The following NXN variants were observed in gnomAD, a reference collection of about 807,000 sequenced individuals.
NXN encodes the protein nucleoredoxin.
A neutral mutation model predicts 48.6 loss-of-function variants in NXN; 16 were observed. The ratio of observed to expected loss-of-function variants is 0.33; its 90% CI spans 0.22 to 0.50. The LOEUF (loss-of-function observed/expected upper bound fraction) is 0.50, where lower values mean the gene tolerates loss of function less well. Ranked by LOEUF, NXN falls within the 20% of genes least tolerant of loss-of-function variation. NXN has a pLI of 0.98. For synonymous variants in NXN, 281 were observed against 269.6 expected, an observed-to-expected ratio of 1.04 and a Z score of -0.41; for missense variants, 492 against 605.5, an observed-to-expected ratio of 0.81 and a Z score of 1.97.
intron 1 of NXN, among the ~76,000 whole-genome samples, chr17:966,341 G>A (rs183735431): frequency 5.9e-4 from 89 of 151,872 alleles, no homozygotes; most frequent in Admixed American, 4.5e-3. Context: ...TATCACTAGT[G>A]TTGTCAGCAT....
chr17:897,023 C>A, intron 1 of NXN: 1 of 1,096,662 alleles, frequency 9.1e-7, no homozygotes, highest in Non-Finnish European at 1.1e-6. Context: ...ATGGAAACTC[C>A]GGCGTGCCTA....
intron 1 of NXN, among the ~76,000 whole-genome samples, chr17:853,723 A>ATATTTTTTT (rs1491528474): frequency 4.7e-5 from 5 of 106,002 alleles, no homozygotes; most frequent in African/African-American, 1.7e-4. Context: ...ATATATATAT[A>ATATTTTTTT]TTTTTTTTTT....
rs1023843720 is a variant in NXN at position 934,765 on chromosome 17, T to C, written c.360+44554A>G. The stretch of plus-strand genomic sequence containing the variant: ...GGCACGCACCTGTAATCCCAGCTAC[T>C]TGGGAGGCTGAGGCAGGAGAATCGC... On this transcript the variant is annotated intron_variant, in intron 1 of 7. Coordinates refer to ENST00000336868, the MANE Select transcript of NXN (RefSeq NM_022463.5). Among the ~76,000 whole-genome samples the C allele has an allele frequency of 4.0e-5, 6 of 151,630 alleles. No individual in the cohort carries two copies. In the South Asian group the frequency reaches 1.3e-3, roughly 32 times the overall value.
At chr17:810,758 G>T (rs191362490) in intron 5 of NXN, among the ~76,000 whole-genome samples, 32 of 152,078 alleles carry the variant, frequency 2.1e-4, no homozygotes, top group African/African-American at 6.3e-4. Flanking sequence ...GCGTGGTAGC[G>T]CACCCCTGTA....
intron 1 of NXN, among the ~76,000 whole-genome samples, chr17:860,072 G>C (rs1038884052): frequency 1.3e-5 from 2 of 152,064 alleles, no homozygotes; most frequent in African/African-American, 4.8e-5. Flanking sequence ...GTGAAAGTGA[G>C]CCTTCTCTTT....
chr17:908,504 C>T (rs2068602092), intron 1 of NXN, among the ~76,000 whole-genome samples: 1 of 152,124 alleles, frequency 6.6e-6, no homozygotes, highest in Non-Finnish European at 1.5e-5. Flanking sequence ...CCGTTGCACT[C>T]CAGCCTGGGC....
intron 1 of NXN, among the ~76,000 whole-genome samples, chr17:867,843 T>C (rs2068109050): frequency 6.6e-6 from 1 of 151,812 alleles, no homozygotes; most frequent in African/African-American, 2.4e-5. Flanking sequence ...TGAGAATCGC[T>C]TGAACCCAGG....
Position 953,919 on chromosome 17 carries a change from G to A in NXN, c.360+25400C>T, listed in dbSNP as rs995384048. ...CCACTGCACCCCAGCCTGCGTGACG[G>A]GTGCGGGAGGATGATGGTGCATGCA... On this transcript the variant is annotated intron_variant, in intron 1 of 7. Coordinates refer to ENST00000336868, the MANE Select transcript of NXN (RefSeq NM_022463.5). Among the ~76,000 whole-genome samples the A allele has an allele frequency of 2.6e-5, 4 of 152,316 alleles. No homozygotes were observed. The Middle Eastern group carries it at 0.01, about 389-fold the overall frequency.
At chr17:854,757 G>A (rs1447820782) in intron 1 of NXN, among the ~76,000 whole-genome samples, 2 of 151,726 alleles carry the variant, frequency 1.3e-5, no homozygotes, top group African/African-American at 4.8e-5. Flanking sequence ...TAAGGAATTT[G>A]AGACCAGCCT....
chr17:807,339 C>T (rs1911617001), intron 5 of NXN, among the ~76,000 whole-genome samples: 1 of 152,226 alleles, frequency 6.6e-6, no homozygotes, highest in Non-Finnish European at 1.5e-5. Flanking sequence ...CTGTGACAGG[C>T]CCCGCGGCCA....
chr17:969,028 T>C (rs193063780), intron 1 of NXN, among the ~76,000 whole-genome samples: 3 of 152,074 alleles, frequency 2.0e-5, no homozygotes, highest in Non-Finnish European at 1.5e-5. Context: ...AGTCTCTAGA[T>C]ACAAATAAAT....
chr17:968,121 G>C (rs2069328649), intron 1 of NXN, among the ~76,000 whole-genome samples: 1 of 150,008 alleles, frequency 6.7e-6, no homozygotes, highest in Admixed American at 6.7e-5. Flanking sequence ...AAGGAAATGA[G>C]ATGACGGCTG....
chr17:958,440 C>T lies in NXN; in HGVS notation c.360+20879G>A, dbSNP rs1048803036. ...AACAGGAGGATCGCTTGAGGCCAGG[C>T]GTTCAAAACCAGCCCGGGCAACATA... is the stretch of plus-strand genomic sequence containing the variant. On this transcript the variant is annotated intron_variant, in intron 1 of 7. Transcript: ENST00000336868. The surrounding 1 kb of genome is among the most constrained non-coding windows in gnomAD (Gnocchi z 6.9). Among the ~76,000 whole-genome samples the T allele has an allele frequency of 2.2e-4, 33 of 151,676 alleles. No homozygotes were observed. The highest frequency in any genetic ancestry group is 6.3e-4 in the African/African-American group (26 of 41,302).
intron 1 of NXN, among the ~76,000 whole-genome samples, chr17:941,373 C>G (rs2068973197): frequency 6.7e-6 from 1 of 148,406 alleles, no homozygotes; most frequent in Non-Finnish European, 1.5e-5. Flanking sequence ...AACAAGATTC[C>G]AGGGTGCAGC....
At chr17:918,307 G>A (rs186855900) in intron 1 of NXN, among the ~76,000 whole-genome samples, 18 of 152,268 alleles carry the variant, frequency 1.2e-4, no homozygotes, top group African/African-American at 1.7e-4. Flanking sequence ...TGTAACGTTC[G>A]GTTTGGAGGA....
At chr17:863,617 T>C (rs1437212989) in intron 1 of NXN, among the ~76,000 whole-genome samples, 2 of 152,134 alleles carry the variant, frequency 1.3e-5, no homozygotes, top group Admixed American at 6.6e-5. Flanking sequence ...CATGCCTCCA[T>C]GCCCAGATAA....
At chr17:868,077 G>A (rs115239882) in intron 1 of NXN, among the ~76,000 whole-genome samples, 475 of 152,182 alleles carry the variant, frequency 3.1e-3, no homozygotes, top group African/African-American at 0.011. Context: ...CCTGTACGGC[G>A]TCCCATGGGT....
At position 885,033 on chromosome 17, in the gene NXN, C is replaced by T. The variant is rs367998451; in HGVS notation, c.361-58955G>A. ...CCATCCCCTTTAGGGGTAAGAGGGACATCTAAGACCAAGCGGAGCTGAGTC... is the reference window on the plus strand; with the variant it reads ...CCATCCCCTTTAGGGGTAAGAGGGATATCTAAGACCAAGCGGAGCTGAGTC... On this transcript the variant is annotated intron_variant, in intron 1 of 7. Transcript: ENST00000336868. Among the ~76,000 whole-genome samples the T allele has an allele frequency of 2.0e-5, 3 of 152,110 alleles. No individual in the cohort carries two copies. The East Asian group carries it at 5.8e-4, about 29-fold the overall frequency.
At chr17:951,257 C>CGAGAATTG (rs1353997652) in intron 1 of NXN, among the ~76,000 whole-genome samples, 1 of 145,502 alleles carries the variant, frequency 6.9e-6, no homozygotes, top group African/African-American at 2.6e-5. Context: ...GGCTGAGGCA[C>CGAGAATTG]GAGAATTGCT....
Sources: gnomAD v4.1 joint callset for allele counts (sites outside exome capture counted in the v4.1 genomes callset) on GRCh38, gnomAD v4.1.1 for gene constraint, Gnocchi (gnomAD v3.1) non-coding constraint, MANE v1.5 for transcripts, NCBI Gene and HGNC (gene_info 2026-07-23, HGNC 2026-07-21) for gene names.